COQ9: variants seen among roughly 807,000 people sequenced by gnomAD.
The protein encoded by COQ9 is ubiquinone biosynthesis protein COQ9, mitochondrial.
A neutral mutation model predicts 42.4 loss-of-function variants in COQ9; 35 were observed. The observed-to-expected ratio is 0.83, with a 90% CI of 0.63 to 1.10. The LOEUF (loss-of-function observed/expected upper bound fraction) is 1.10, where lower values mean the gene tolerates loss of function less well. COQ9 is among the 50% of genes least tolerant of loss of function. The pLI is 0.00. For missense variants in COQ9, 406 were observed against 414.6 expected (o/e 0.98, Z 0.18); for synonymous variants, 155 against 155.1 (o/e 1.00, Z 0.00).
intron 2 of COQ9, 30 bp downstream of exon 2, chr16:57,451,238 C>T: frequency 4.4e-6 from 7 of 1,602,064 alleles, no homozygotes; most frequent in Non-Finnish European, 5.1e-6. Flanking sequence ...TTTCTGGCCA[C>T]TTCATATGCT....
At chr16:57,452,655 A>G in intron 2 of COQ9, 146 bp from the exon 3 acceptor site, 1 of 1,077,872 alleles carries the variant, frequency 9.3e-7, no homozygotes. Context: ...AACAAAAAAC[A>G]AACAAGAAAA....
At position 57,457,004 on chromosome 16, in the gene COQ9, C is replaced by T; in HGVS notation, c.595C>T (p.His199Tyr). The change falls in exon 5 of 9, where the codon CAC (histidine) becomes TAC (tyrosine). Residue 199 changes from histidine to tyrosine, a missense_variant. His to Tyr is a moderately conservative substitution (Grantham distance 83). Transcript: ENST00000262507. ...RLRMLIPYIE[H>Y]WPRALSILML... is the part of the protein sequence containing the mutation. Reference sequence around the variant, plus strand: ...GAGAATGCTGATCCCATACATTGAGCACTGGCCCCGGGTACCAAGTCTATA... The same window carrying T: ...GAGAATGCTGATCCCATACATTGAGTACTGGCCCCGGGTACCAAGTCTATA... The T allele has an allele frequency of 3.1e-6, 5 of 1,613,448 alleles. No homozygotes were observed. The highest frequency in any genetic ancestry group is 4.2e-6 in the Non-Finnish European group (5 of 1,179,344).
chr16:57,447,595 G>A lies in COQ9; in HGVS notation c.73+17G>A, dbSNP rs1386701797. The A allele has an allele frequency of 7.2e-6, 9 of 1,256,468 alleles. No individual in the cohort carries two copies. In the East Asian group the frequency reaches 2.5e-4, roughly 35 times the overall value. 77.8% of individuals were successfully genotyped at this position (1,256,468 alleles called of 1,614,324 possible). On this transcript the variant is annotated intron_variant, in intron 1 of 8. Transcript: ENST00000262507. Reference sequence around the variant, plus strand: ...GCCTGCCCGGTGAGGGGGCTGCCAAGCCGGGGAGAGGCGGGGAGCGCGGAG... The same window carrying A: ...GCCTGCCCGGTGAGGGGGCTGCCAAACCGGGGAGAGGCGGGGAGCGCGGAG...
rs2030495810 is a variant in COQ9 at position 57,460,000 on chromosome 16, G to T, written c.868-51G>T. The T allele has an allele frequency of 2.5e-6, 4 of 1,582,344 alleles. No individual in the cohort carries two copies. The East Asian group carries it at 8.9e-5, about 35-fold the overall frequency. On this transcript the variant is annotated intron_variant, in intron 7 of 8. Coordinates refer to ENST00000262507, the MANE Select transcript of COQ9 (RefSeq NM_020312.4). Reference sequence around the variant, plus strand: ...TCCTGATTTGTCCTGCCTGTCTCAAGTTTAACTTTGTGTTGGTGGCCTAAG... The same window carrying T: ...TCCTGATTTGTCCTGCCTGTCTCAATTTTAACTTTGTGTTGGTGGCCTAAG...
chr16:57,457,630 C>T (rs1457814494), intron 5 of COQ9, among the ~76,000 whole-genome samples: 7 of 152,324 alleles, frequency 4.6e-5, no homozygotes, highest in African/African-American at 1.7e-4. Context: ...TAGTTTCAGT[C>T]ATTCAGTTGA....
At chr16:57,450,769 G>T in intron 1 of COQ9, 1 of 524,718 alleles carries the variant, frequency 1.9e-6, no homozygotes. Flanking sequence ...GCACATTGGG[G>T]TGAAATTGTT....
chr16:57,457,257 C>A (rs2030428209), intron 5 of COQ9: 9 of 587,728 alleles, frequency 1.5e-5, no homozygotes, highest in Non-Finnish European at 2.5e-5. Context: ...TGGATCCCAT[C>A]CTGGGTGGGG....
chr16:57,453,513 C>T (rs567730179), intron 3 of COQ9: 1 of 171,418 alleles, frequency 5.8e-6, no homozygotes, highest in East Asian at 1.5e-4. Context: ...GAGAATCCTC[C>T]AGCATAGCAA....
At position 57,460,741 on chromosome 16, in the gene COQ9, A is replaced by G. The variant is rs1448320693; in HGVS notation, c.*117A>G. 3 of 956,682 alleles carry G rather than the reference A, an allele frequency of 3.1e-6. No individual in the cohort carries two copies. The highest frequency in any genetic ancestry group is 1.6e-5 in the African/African-American group (1 of 61,364). The allele number at this position is 956,682 out of a possible 1,614,324, so 59.3% of individuals were successfully genotyped here. On this transcript the variant is annotated 3_prime_UTR_variant, in exon 9 of 9. Coordinates refer to ENST00000262507, the MANE Select transcript of COQ9 (RefSeq NM_020312.4). ...GGTGTTCACGAGAACACACTAAAGG[A>G]CTCCTGAGTCACTACCACAGCCACC...
At chr16:57,450,876 A>G in intron 1 of COQ9, 164 bp from the exon 2 acceptor site, 3 of 790,914 alleles carry the variant, frequency 3.8e-6, no homozygotes, top group African/African-American at 1.7e-5. Context: ...TCGTGTCCCA[A>G]AGTTCCCAGT....
At position 57,459,558 on chromosome 16, in the gene COQ9, T is replaced by C. The variant is rs1300408310; in HGVS notation, c.712-7T>C. On this transcript the variant is annotated splice_polypyrimidine_tract_variant and splice_region_variant and intron_variant, in intron 6 of 8. Coordinates refer to ENST00000262507, the MANE Select transcript of COQ9 (RefSeq NM_020312.4). ...AGCCCACAGCGGTAGTGTGGGTTTC[T>C]TTACAGTTTAACTGGTACACCCGCC... is the stretch of plus-strand genomic sequence containing the variant. 3 of 1,614,040 alleles carry C rather than the reference T, an allele frequency of 1.9e-6. No individual in the cohort carries two copies. The highest frequency in any genetic ancestry group is 2.5e-6 in the Non-Finnish European group (3 of 1,180,032).
At chr16:57,454,783 A>G (rs2030365148) in intron 3 of COQ9, among the ~76,000 whole-genome samples, 1 of 152,198 alleles carries the variant, frequency 6.6e-6, no homozygotes, top group African/African-American at 2.4e-5. Flanking sequence ...GAAACTGCAC[A>G]GGCAAGGTGG....
intron 6 of COQ9, among the ~76,000 whole-genome samples, chr16:57,458,690 T>C (rs1759001336): frequency 6.6e-6 from 1 of 152,196 alleles, no homozygotes; most frequent in African/African-American, 2.4e-5. Context: ...AAAATTCCTC[T>C]TTTGAAAAAA....
intron 5 of COQ9, chr16:57,457,236 G>A (rs1350066385): frequency 3.2e-6 from 2 of 633,542 alleles, no homozygotes; most frequent in South Asian, 3.1e-5. Context: ...AAATGTGAGT[G>A]GTCCGGGTAC....
chr16:57,458,220 T>A, intron 5 of COQ9, 26 bp from the exon 6 acceptor site: 1 of 1,518,864 alleles, frequency 6.6e-7, no homozygotes, highest in South Asian at 1.2e-5. Flanking sequence ...TGAGCAGAGC[T>A]TACTCCTCTG....
chr16:57,457,058 A>G (rs984700597), intron 5 of COQ9, 43 bp downstream of exon 5: 1 of 1,408,676 alleles, frequency 7.1e-7, no homozygotes, highest in Non-Finnish European at 1.0e-6. Context: ...AATAATCCTA[A>G]TATTTATCAT....
rs539563774 is a variant in COQ9, at chr16:57,451,006, T to C, written c.74-34T>C. 31 of 1,612,154 alleles carry C rather than the reference T, an allele frequency of 1.9e-5. No individual in the cohort carries two copies. In the African/African-American group the frequency reaches 4.0e-4, roughly 21 times the overall value. ...TCTGGGTCTGAAAGGGTCTTCTCTG[T>C]TGAATGTCCCTGACTGACCAGTTTC... On this transcript the variant is annotated intron_variant, in intron 1 of 8. Coordinates refer to ENST00000262507, the MANE Select transcript of COQ9 (RefSeq NM_020312.4).
chr16:57,453,440 T>G, intron 3 of COQ9: 1 of 262,576 alleles, frequency 3.8e-6, no homozygotes, highest in Non-Finnish European at 7.5e-6. Flanking sequence ...AATAGCATTT[T>G]CTGCATTAGT....
At chr16:57,459,904 G>A (rs542326093) in intron 7 of COQ9, 147 bp from the exon 8 acceptor site, 1 of 993,704 alleles carries the variant, frequency 1.0e-6, no homozygotes, top group East Asian at 2.5e-5. Context: ...TTGCATTTGT[G>A]ATTGTGTTGT....
Sources: allele counts gnomAD v4.1 joint callset (sites outside exome capture counted in the v4.1 genomes callset), GRCh38; gene constraint gnomAD v4.1.1; transcripts MANE v1.5; gene names NCBI Gene and HGNC (gene_info 2026-07-23, HGNC 2026-07-21).